Variants in TRDN observed in about 807,000 individuals in gnomAD.
The protein encoded by TRDN is triadin in skeletal muscle.
TRDN carries 161 observed loss-of-function variants against 149.7 expected under a neutral mutation model. That is an observed-to-expected ratio of 1.08 (90% CI 0.95 to 1.23). TRDN has a LOEUF of 1.23. Ranked by LOEUF, TRDN falls within the 50% of genes most tolerant of loss-of-function variation. The pLI, the probability that TRDN is intolerant of heterozygous loss-of-function variation, is 0.00. For missense variants in TRDN, 896 were observed against 823.5 expected (o/e 1.09, Z -1.08); for synonymous variants, 294 against 250.5 (o/e 1.17, Z -1.64).
intron 7 of TRDN, among the ~76,000 whole-genome samples, chr6:123,511,161 G>A (rs1370136064): frequency 1.3e-5 from 2 of 152,122 alleles, no homozygotes; most frequent in African/African-American, 4.8e-5. Context: ...TTTTGTATAT[G>A]GTGAGAGATA....
intron 2 of TRDN, among the ~76,000 whole-genome samples, chr6:123,569,665 A>G (rs1782461899): frequency 6.6e-6 from 1 of 152,176 alleles, no homozygotes; most frequent in Non-Finnish European, 1.5e-5. Flanking sequence ...TAATGGTAGA[A>G]GGAGGAGAGA....
Position 123,267,753 on chromosome 6 carries a change from T to C in TRDN, c.1739-2A>G. ...CTCTTTCTCGATGTTCAGCTTTTTC[T>C]AGAGAAAGAAATCAAAATTCACTGG... On this transcript the variant is annotated splice_acceptor_variant, in intron 31 of 40. Coordinates refer to ENST00000334268, the MANE Select transcript of TRDN (RefSeq NM_006073.4). LOFTEE classifies it high-confidence loss of function. 4 of 1,570,292 alleles carry C rather than the reference T, an allele frequency of 2.5e-6. No individual in the cohort carries two copies. The highest frequency in any genetic ancestry group is 3.5e-6 in the Non-Finnish European group (4 of 1,158,202).
intron 1 of TRDN, among the ~76,000 whole-genome samples, chr6:123,585,226 T>C (rs1329318696): frequency 6.6e-6 from 1 of 151,142 alleles, no homozygotes. Context: ...AATCCAGGAA[T>C]AGTCAGGGAA....
rs771612991 is a variant in TRDN at position 123,274,661 on chromosome 6, A to C, written c.1577T>G (p.Ile526Ser). 2.5e-6 allele frequency: 4 copies of C among 1,608,604 alleles called. No homozygotes were observed. Among genetic ancestry groups the C allele is most frequent in the Non-Finnish European group, 3.4e-6 (4 of 1,177,092 alleles). ...GTTACCTGGTTTTGCTTCTTTTTTA[A>C]TTTGGGGCTCTGAGGGAGAGAAAAG... ...GKKEEKPEPQ[I>S]KKEAKPAISE... The change falls in exon 27 of 41, where the codon ATT becomes AGT. Residue 526 changes from isoleucine (I) to serine (S), a missense_variant. By Grantham distance (142) the Ile-to-Ser change is moderately radical. Coordinates refer to ENST00000334268, the MANE Select transcript of TRDN (RefSeq NM_006073.4).
intron 12 of TRDN, chr6:123,437,381 ATTTTTTTTTTTTT>A (rs565538741): frequency 3.3e-4 from 61 of 186,436 alleles, no homozygotes; most frequent in South Asian, 8.3e-4. Flanking sequence ...TGAGATACAG[ATTTTTTTTTTTTT>A]TTTTTTTTTT....
intron 23 of TRDN, among the ~76,000 whole-genome samples, chr6:123,318,412 A>C (rs115997145): frequency 0.011 from 1,661 of 152,082 alleles, 33 homozygotes; most frequent in African/African-American, 0.039. Context: ...AAACTTACGG[A>C]AGTTAGTTTG....
chr6:123,290,893 A>G (rs959446623), intron 24 of TRDN, among the ~76,000 whole-genome samples: 13 of 152,206 alleles, frequency 8.5e-5, no homozygotes, highest in African/African-American at 2.9e-4. Flanking sequence ...GCAGTGGATC[A>G]CAACTGTAAT....
rs565538741 is a variant in TRDN at position 123,437,381 on chromosome 6, A to ATTTTTT, written c.1051+676_1051+681dup. On this transcript the variant is annotated intron_variant, in intron 12 of 40. Coordinates refer to ENST00000334268, the MANE Select transcript of TRDN (RefSeq NM_006073.4). ...CTTTCTCTACTTTATTGAGATACAG[A>ATTTTTT]TTTTTTTTTTTTTTTTTTTTTTTTT... 3.6e-4 allele frequency: 67 copies of ATTTTTT among 186,478 alleles called. 3 individuals carry two copies. The highest frequency in any genetic ancestry group is 2.6e-3 in the African/African-American group (51 of 19,446). 11.6% of individuals were successfully genotyped at this position (186,478 alleles called of 1,614,324 possible). A position where few individuals can be genotyped will look rare whatever the true frequency, so the allele number is the denominator to read the frequency against.
intron 10 of TRDN, among the ~76,000 whole-genome samples, chr6:123,455,761 A>T (rs923689769): frequency 6.6e-6 from 1 of 152,228 alleles, no homozygotes; most frequent in Non-Finnish European, 1.5e-5. Context: ...AGTGTCTTGT[A>T]GAAATAGTAA....
chr6:123,356,522 T>TATATATACAC (rs1780687855), intron 20 of TRDN, among the ~76,000 whole-genome samples: 1 of 72,336 alleles, frequency 1.4e-5, no homozygotes, highest in Non-Finnish European at 3.1e-5. Flanking sequence ...TATATATATA[T>TATATATACAC]ATATATATAT....
intron 9 of TRDN, among the ~76,000 whole-genome samples, chr6:123,490,946 T>A (rs539780615): frequency 6.6e-6 from 1 of 151,630 alleles, no homozygotes; most frequent in South Asian, 2.1e-4. Context: ...CTACTAAAAA[T>A]AGAAAAAAAA....
chr6:123,222,659 G>A (rs1775191531), intron 39 of TRDN, among the ~76,000 whole-genome samples: 1 of 151,724 alleles, frequency 6.6e-6, no homozygotes, highest in Non-Finnish European at 1.5e-5. Context: ...TCGTTGGCTA[G>A]AACAATGCTT....
At chr6:123,475,964 C>A (rs2114753267) in intron 9 of TRDN, among the ~76,000 whole-genome samples, 1 of 139,388 alleles carries the variant, frequency 7.2e-6, no homozygotes, top group Non-Finnish European at 1.6e-5. Context: ...ACTGAATGGG[C>A]AAAAACTGGA....
At chr6:123,266,518 G>A (rs1776990021) in intron 32 of TRDN, among the ~76,000 whole-genome samples, 2 of 33,720 alleles carry the variant, frequency 5.9e-5, no homozygotes, top group Non-Finnish European at 4.5e-5. Context: ...ATTATAATAT[G>A]TATTATATAT....
At position 123,548,604 on chromosome 6, in the gene TRDN, T is replaced by C; in HGVS notation, c.241A>G (p.Ile81Val). The change falls in exon 3 of 41, where the codon ATT (isoleucine) becomes GTT (valine). Residue 81 changes from isoleucine (I) to valine (V), a missense_variant. Physicochemically the swap from Ile to Val is conservative, Grantham distance 29 (BLOSUM62 3). Transcript: ENST00000334268. Reference protein sequence around the residue: ...VDYKNFSASSIAKIGSDPLKL... With the variant: ...VDYKNFSASSVAKIGSDPLKL... ...AAAGGATCTGAGCCAATCTTGGCAA[T>C]AGAGCTTGCTAAAAGTAATTAAAAA... The C allele has an allele frequency of 1.4e-6, 2 of 1,407,350 alleles. No individual in the cohort carries two copies. Among genetic ancestry groups the C allele is most frequent in the Non-Finnish European group, 1.8e-6 (2 of 1,081,494 alleles). 87.2% of individuals were successfully genotyped at this position (1,407,350 alleles called of 1,614,324 possible).
rs116865662 is a variant in TRDN at position 123,232,649 on chromosome 6, A to G, written c.1976-8518T>C. On this transcript the variant is annotated intron_variant, in intron 38 of 40. Transcript: ENST00000334268. ...AGAGAGGATGGAATCAAAAAGGAAT[A>G]CAGAATGTAAATCTTAGGAGAAGCA... 6.4e-4 allele frequency among the ~76,000 whole-genome samples: 98 copies of G among 152,130 alleles called. No individual in the cohort carries two copies. The Middle Eastern group carries it at 0.017, about 26-fold the overall frequency.
At chr6:123,428,562 T>G (rs1317861139) in intron 12 of TRDN, among the ~76,000 whole-genome samples, 4 of 152,334 alleles carry the variant, frequency 2.6e-5, no homozygotes, top group Middle Eastern at 3.4e-3. Flanking sequence ...AAATTCCTTC[T>G]TTGAGATCAT....
At chr6:123,423,585 A>T (rs937717029) in intron 12 of TRDN, among the ~76,000 whole-genome samples, 4 of 152,174 alleles carry the variant, frequency 2.6e-5, no homozygotes, top group African/African-American at 7.2e-5. Flanking sequence ...TGAGTAATAA[A>T]CATTTAGTTT....
chr6:123,548,122 C>T (rs1781208604), intron 3 of TRDN, among the ~76,000 whole-genome samples: 1 of 151,540 alleles, frequency 6.6e-6, no homozygotes, highest in African/African-American at 2.4e-5. Context: ...TGAAAAATAA[C>T]TATTTTTTCC....
Sources: allele counts gnomAD v4.1 joint callset (sites outside exome capture counted in the v4.1 genomes callset), GRCh38; gene constraint gnomAD v4.1.1; transcripts MANE v1.5; gene names NCBI Gene and HGNC (gene_info 2026-07-23, HGNC 2026-07-21).